Variants in COL27A1 observed in about 807,000 individuals in gnomAD.
COL27A1 encodes the protein collagen alpha-1(XXVII) chain.
A neutral mutation model predicts 251.3 loss-of-function variants in COL27A1; 106 were observed. That is an observed-to-expected ratio of 0.42 (90% CI 0.36 to 0.50). The LOEUF (loss-of-function observed/expected upper bound fraction) is 0.50. COL27A1 is among the 20% of genes least tolerant of loss of function. The pLI is 0.00. For synonymous variants in COL27A1, 1,000 were observed against 986.3 expected, an observed-to-expected ratio of 1.01 and a Z score of -0.26; for missense variants, 2,325 against 2,522.8, an observed-to-expected ratio of 0.92 and a Z score of 1.68.
At chr9:114,228,843 A>G (rs1391545153) in intron 14 of COL27A1, among the ~76,000 whole-genome samples, 1 of 151,726 alleles carries the variant, frequency 6.6e-6, no homozygotes, top group Non-Finnish European at 1.5e-5. Context: ...TTTTTCAAAG[A>G]TAGGGTCTCT....
At chr9:114,251,849 C>T (rs1225316280) in intron 25 of COL27A1, among the ~76,000 whole-genome samples, 1 of 152,270 alleles carries the variant, frequency 6.6e-6, no homozygotes, top group Non-Finnish European at 1.5e-5. Context: ...CCAATAATAA[C>T]ACCTTAGCAC....
At position 114,167,913 on chromosome 9, in the gene COL27A1, C is replaced by T; in HGVS notation, c.358C>T (p.Gln120Ter). The change falls in exon 3 of 61, where the codon CAG (glutamine) becomes TAG (stop). Residue 120 changes from glutamine (Q) to a stop codon, truncating the protein, a stop_gained. Transcript: ENST00000356083. LOFTEE classifies it high-confidence loss of function. ...TGCCTTCCTCTTCGCTGTCCGCAGC[C>T]AGAAACGCAAGCTGCAGCTGGGCCT... ...NHAFLFAVRS[Q>*]KRKLQLGLQF... The T allele has an allele frequency of 6.2e-7, 1 of 1,612,434 alleles. No individual in the cohort carries two copies. The highest frequency in any genetic ancestry group is 1.1e-5 in the South Asian group (1 of 91,072).
chr9:114,212,624 G>A (rs1194680217), intron 12 of COL27A1, among the ~76,000 whole-genome samples: 2 of 152,238 alleles, frequency 1.3e-5, no homozygotes, highest in African/African-American at 2.4e-5. Flanking sequence ...ATCTCAATGA[G>A]GTAAGCGTGG....
At position 114,168,248 on chromosome 9, in the gene COL27A1, C is replaced by A. The variant is rs201192948; in HGVS notation, c.693C>A (p.His231Gln). The A allele has an allele frequency of 5.0e-5, 81 of 1,614,014 alleles. No homozygotes were observed. In the South Asian group the frequency reaches 5.6e-4, roughly 11 times the overall value. The change falls in exon 3 of 61, where the codon CAC (histidine) becomes CAA (glutamine). Residue 231 changes from histidine to glutamine, a missense_variant. Physicochemically the swap from His to Gln is conservative, Grantham distance 24. Transcript: ENST00000356083. ...AGGTCGCTCACAATTACTGTACCCA[C>A]CTGAGGAAGCAGTGTGGACAGGCTG... Reference protein sequence around the residue: ...VTQVAHNYCTHLRKQCGQADT... With the variant: ...VTQVAHNYCTQLRKQCGQADT...
chr9:114,264,242 G>A, intron 28 of COL27A1, 113 bp from the exon 29 acceptor site: 2 of 744,694 alleles, frequency 2.7e-6, no homozygotes, highest in Admixed American at 6.6e-5. Context: ...GGAGGAGGGG[G>A]CCGGAGCTTG....
intron 28 of COL27A1, among the ~76,000 whole-genome samples, chr9:114,262,138 C>A (rs558878813): frequency 6.6e-6 from 1 of 152,300 alleles, no homozygotes; most frequent in African/African-American, 2.4e-5. Flanking sequence ...CAGCTCAGCC[C>A]CTGTCCCAGC....
chr9:114,234,324 T>C (rs917298801), intron 16 of COL27A1, among the ~76,000 whole-genome samples: 1 of 152,120 alleles, frequency 6.6e-6, no homozygotes, highest in Non-Finnish European at 1.5e-5. Flanking sequence ...TTTTTTTTAA[T>C]TCTGACTTTT....
intron 50 of COL27A1, 35 bp downstream of exon 50, chr9:114,300,158 TC>T (rs1169890926): frequency 6.3e-7 from 1 of 1,575,216 alleles, no homozygotes; most frequent in Admixed American, 1.7e-5. Context: ...TCCTGTGGGG[TC>T]CCATCCATTC....
At chr9:114,194,478 G>C (rs1278534760) in intron 6 of COL27A1, 21 bp downstream of exon 6, 1 of 1,604,120 alleles carries the variant, frequency 6.2e-7, no homozygotes, top group Non-Finnish European at 8.5e-7. Context: ...AGGGACCCCA[G>C]TTCTCAGGGA....
intron 7 of COL27A1, among the ~76,000 whole-genome samples, chr9:114,197,040 A>G (rs1275414114): frequency 6.6e-6 from 1 of 152,226 alleles, no homozygotes; most frequent in Non-Finnish European, 1.5e-5. Flanking sequence ...TGAGCCTAGC[A>G]TGAAGCCTGT....
chr9:114,303,838 G>A (rs10817589), intron 56 of COL27A1, among the ~76,000 whole-genome samples: 52,763 of 152,074 alleles, frequency 0.35, 9,605 homozygotes, highest in Non-Finnish European at 0.4. Flanking sequence ...ATTAAAGTGC[G>A]AGCCAAAGGA....
chr9:114,207,476 C>T (rs1256117957), intron 10 of COL27A1, among the ~76,000 whole-genome samples: 1 of 152,242 alleles, frequency 6.6e-6, no homozygotes, highest in African/African-American at 2.4e-5. Context: ...CAGCCCCAGT[C>T]CTGATCTCCT....
At chr9:114,159,645 C>T (rs1299889571) in intron 1 of COL27A1, among the ~76,000 whole-genome samples, 3 of 152,172 alleles carry the variant, frequency 2.0e-5, no homozygotes, top group Admixed American at 6.6e-5. Flanking sequence ...AGGATTTCTC[C>T]GAGCCTTTGA....
intron 19 of COL27A1, among the ~76,000 whole-genome samples, chr9:114,239,019 C>T (rs1248421624): frequency 6.6e-6 from 1 of 152,200 alleles, no homozygotes; most frequent in Non-Finnish European, 1.5e-5. Flanking sequence ...TCAGCCTCTC[C>T]CGTCTTTGTG....
chr9:114,181,457 C>T (rs1380845726), intron 4 of COL27A1, among the ~76,000 whole-genome samples: 1 of 152,126 alleles, frequency 6.6e-6, no homozygotes, highest in Non-Finnish European at 1.5e-5. Flanking sequence ...AGCTGGGAAG[C>T]TGGCCTCAGA....
intron 7 of COL27A1, among the ~76,000 whole-genome samples, chr9:114,201,421 G>T (rs1377058496): frequency 2.6e-5 from 4 of 152,178 alleles, no homozygotes; most frequent in African/African-American, 9.7e-5. Context: ...TTGTTAAGAT[G>T]CTTCCAGGGA....
chr9:114,165,031 T>G (rs2808798), intron 2 of COL27A1, among the ~76,000 whole-genome samples: 30,859 of 152,162 alleles, frequency 0.2, 3,481 homozygotes, highest in Middle Eastern at 0.34. Flanking sequence ...CAAGGGTCAG[T>G]AAGACACTTA....
rs574768241 is a variant in COL27A1, at chr9:114,258,606, C to A, written c.3195+12C>A. 26 of 1,613,516 alleles carry A rather than the reference C, an allele frequency of 1.6e-5. No individual in the cohort carries two copies. Among genetic ancestry groups the A allele is most frequent in the South Asian group, 1.4e-4 (13 of 90,906 alleles). ...CAAAGGGACGTCGGGTAAGTCGAGC[C>A]CAGCTCCTGGGGGCTGATGCTGGTG... On this transcript the variant is annotated intron_variant, in intron 28 of 60. Transcript: ENST00000356083.
At chr9:114,274,627 G>C (rs1057007387) in intron 36 of COL27A1, among the ~76,000 whole-genome samples, 1 of 152,192 alleles carries the variant, frequency 6.6e-6, no homozygotes, top group African/African-American at 2.4e-5. Context: ...GCCATGCAGA[G>C]CCCAGAGCGA....
Sources: allele counts gnomAD v4.1 joint callset (sites outside exome capture counted in the v4.1 genomes callset), GRCh38; gene constraint gnomAD v4.1.1; transcripts MANE v1.5; gene names NCBI Gene and HGNC (gene_info 2026-07-23, HGNC 2026-07-21).